MCEE: variants seen among roughly 807,000 people sequenced by gnomAD.
MCEE encodes methylmalonyl-CoA epimerase.
In MCEE, 6 loss-of-function variants were observed where a neutral mutation model predicts 12.9. The ratio of observed to expected loss-of-function variants is 0.47; its 90% CI spans 0.26 to 0.92. The LOEUF is 0.92. MCEE is among the 40% of genes least tolerant of loss of function. MCEE has a pLI of 0.16. For missense variants in MCEE, 214 were observed against 212.1 expected, an observed-to-expected ratio of 1.01 and a Z score of -0.05; for synonymous variants, 78 against 77.9, an observed-to-expected ratio of 1.00 and a Z score of -0.01.
intron 2 of MCEE, among the ~76,000 whole-genome samples, chr2:71,116,353 G>T (rs907111039): frequency 6.7e-6 from 1 of 150,060 alleles, no homozygotes; most frequent in Admixed American, 6.6e-5. Context: ...GATTACAGGC[G>T]TGAGCCACCA....
intron 1 of MCEE, 105 bp from the exon 2 acceptor site, chr2:71,124,648 A>G: frequency 1.2e-6 from 1 of 863,516 alleles, no homozygotes; most frequent in South Asian, 1.4e-5. Context: ...TTCATTATTT[A>G]TATATCTGTT....
intron 2 of MCEE, 73 bp from the exon 3 acceptor site, chr2:71,110,195 A>G (rs1207950469): frequency 1.3e-5 from 18 of 1,420,354 alleles, no homozygotes; most frequent in Non-Finnish European, 1.7e-5. Flanking sequence ...TAAGACTTAG[A>G]AAAAACTTTG....
Position 71,116,174 on chromosome 2 carries a change from G to C in MCEE, c.379-6052C>G, listed in dbSNP as rs984852315. Among the ~76,000 whole-genome samples, 35 of 149,492 alleles carry C rather than the reference G, an allele frequency of 2.3e-4. 5 individuals are homozygous for C. The highest frequency in any genetic ancestry group is 8.2e-4 in the African/African-American group (32 of 39,122). On this transcript the variant is annotated intron_variant, in intron 2 of 2. Coordinates refer to ENST00000244217, the MANE Select transcript of MCEE (RefSeq NM_032601.4). ...CAGCTCACTGCAAGCTCTGCCTCCC[G>C]GGTTCATGCCGTTCTCCTGCCTCAG...
In MCEE at chr2:71,112,716, G is replaced by A. The variant is rs118056886; in HGVS notation, c.379-2594C>T. On this transcript the variant is annotated intron_variant, in intron 2 of 2. Coordinates refer to ENST00000244217, the MANE Select transcript of MCEE (RefSeq NM_032601.4). ...CTCCCACAATGCTGGGATTACAGGCGTGAGCCACTGTTGCCCGGCCTGGTG... is the reference window on the plus strand; with the variant it reads ...CTCCCACAATGCTGGGATTACAGGCATGAGCCACTGTTGCCCGGCCTGGTG... 0.036 allele frequency among the ~76,000 whole-genome samples: 5,452 copies of A among 152,270 alleles called. 602 individuals carry two copies. The East Asian group carries it at 0.43, about 12-fold the overall frequency.
intron 1 of MCEE, among the ~76,000 whole-genome samples, chr2:71,127,622 C>G (rs1673264776): frequency 6.7e-6 from 1 of 149,530 alleles, no homozygotes; most frequent in East Asian, 2.0e-4. Context: ...TTTTAGAACA[C>G]GTAATAAGTT....
chr2:71,124,074 T>C (rs1447157414), intron 2 of MCEE, 132 bp downstream of exon 2: 2 of 679,430 alleles, frequency 2.9e-6, no homozygotes, highest in East Asian at 5.4e-5. Context: ...TTGAGGAGGA[T>C]GAATATTATC....
rs138334660 is a variant in MCEE, at chr2:71,116,324, G to A, written c.379-6202C>T. 1.7e-4 allele frequency among the ~76,000 whole-genome samples: 26 copies of A among 150,186 alleles called. 4 individuals carry two copies. The East Asian group carries it at 3.3e-3, about 19-fold the overall frequency. ...CCTGACCTCGTGATCCACCCGCCTC[G>A]GCCTCCCAAAAGTGCTGGGATTACA... is the stretch of plus-strand genomic sequence containing the variant. On this transcript the variant is annotated intron_variant, in intron 2 of 2. Transcript: ENST00000244217.
chr2:71,109,941 C>A lies in MCEE; in HGVS notation c.*29G>T. The A allele has an allele frequency of 6.2e-7, 1 of 1,610,554 alleles. No homozygotes were observed. The highest frequency in any genetic ancestry group is 1.1e-5 in the South Asian group (1 of 90,990). The stretch of plus-strand genomic sequence containing the variant: ...TAGTATTTGATAGGCTTTTTCAGGT[C>A]AATTAATTTAGTTGCTTGCAAATAT... On this transcript the variant is annotated 3_prime_UTR_variant, in exon 3 of 3. Coordinates refer to ENST00000244217, the MANE Select transcript of MCEE (RefSeq NM_032601.4).
Position 71,114,290 on chromosome 2 carries a change from G to A in MCEE, c.379-4168C>T, listed in dbSNP as rs528351075. ...GGTGCAGCAAACCACCATGGCATAC[G>A]TTTACCTATGTAGCAAACCTGCATG... On this transcript the variant is annotated intron_variant, in intron 2 of 2. Transcript: ENST00000244217. Among the ~76,000 whole-genome samples, 75 of 151,980 alleles carry A rather than the reference G, an allele frequency of 4.9e-4. 1 individual carries two copies. The highest frequency in any genetic ancestry group is 1.7e-3 in the African/African-American group (72 of 41,456).
chr2:71,111,301 C>T (rs1672880364), intron 2 of MCEE, among the ~76,000 whole-genome samples: 1 of 152,126 alleles, frequency 6.6e-6, no homozygotes, highest in African/African-American at 2.4e-5. Flanking sequence ...AAGCTCGTGG[C>T]AGGAACGGCT....
intron 2 of MCEE, among the ~76,000 whole-genome samples, chr2:71,118,615 G>C (rs759722491): frequency 6.7e-6 from 1 of 149,848 alleles, no homozygotes; most frequent in Non-Finnish European, 1.5e-5. Flanking sequence ...CTCCCGTAGC[G>C]GAAGGGGCAA....
intron 2 of MCEE, among the ~76,000 whole-genome samples, chr2:71,123,573 C>T (rs1372180853): frequency 2.0e-5 from 3 of 151,604 alleles, no homozygotes; most frequent in African/African-American, 7.3e-5. Context: ...ATTGTCCTAG[C>T]AAATTAAATC....
intron 2 of MCEE, among the ~76,000 whole-genome samples, chr2:71,116,567 A>G (rs1357575735): frequency 8.3e-6 from 1 of 121,012 alleles, no homozygotes; most frequent in Non-Finnish European, 1.6e-5. Context: ...TTTTTTTTTG[A>G]GATGGAGTCT....
intron 1 of MCEE, among the ~76,000 whole-genome samples, chr2:71,125,211 A>ATATATTTTTTTTTTT: frequency 2.1e-5 from 1 of 48,610 alleles, no homozygotes; most frequent in Non-Finnish European, 4.4e-5. Flanking sequence ...ATATATATAT[A>ATATATTTTTTTTTTT]TTTTTTTTTT....
intron 1 of MCEE, 174 bp downstream of exon 1, chr2:71,130,006 G>C: frequency 1.4e-6 from 1 of 700,950 alleles, no homozygotes; most frequent in Non-Finnish European, 2.6e-6. Context: ...CTACTAAGCG[G>C]TGGCGCTTCT....
chr2:71,117,959 GCTCCCA>G (rs1392399078), intron 2 of MCEE, among the ~76,000 whole-genome samples: 4 of 149,904 alleles, frequency 2.7e-5, no homozygotes, highest in Admixed American at 6.6e-5. Context: ...TCCCATCTGA[GCTCCCA>G]CTCACAATTC....
chr2:71,123,239 C>T (rs900655786), intron 2 of MCEE, among the ~76,000 whole-genome samples: 1 of 152,178 alleles, frequency 6.6e-6, no homozygotes, highest in African/African-American at 2.4e-5. Context: ...CGCCTATAAT[C>T]CCAGCACTTT....
intron 1 of MCEE, among the ~76,000 whole-genome samples, chr2:71,125,560 C>T (rs139017890): frequency 0.052 from 7,959 of 151,806 alleles, 427 homozygotes; most frequent in African/African-American, 0.14. Flanking sequence ...TCAGGCTGGT[C>T]TCAAACTCCT....
At chr2:71,121,073 T>C (rs570905275) in intron 2 of MCEE, among the ~76,000 whole-genome samples, 7 of 152,150 alleles carry the variant, frequency 4.6e-5, no homozygotes, top group Non-Finnish European at 1.0e-4. Flanking sequence ...GTGGCATCCA[T>C]TGATGGCCTC....
Sources: gnomAD v4.1 joint callset for allele counts (sites outside exome capture counted in the v4.1 genomes callset) on GRCh38, gnomAD v4.1.1 for gene constraint, MANE v1.5 for transcripts, NCBI Gene and HGNC (gene_info 2026-07-23, HGNC 2026-07-21) for gene names.